The following ASAP1 variants were observed in gnomAD, a reference collection of about 807,000 sequenced individuals.
ASAP1 encodes ArfGAP with SH3 domain, ankyrin repeat and PH domain 1.
ASAP1 carries 43 observed loss-of-function variants against 145.2 expected under a neutral mutation model. That is an observed-to-expected ratio of 0.30 (90% confidence interval 0.23 to 0.38). ASAP1 has a LOEUF of 0.38. ASAP1 is among the 10% of genes least tolerant of loss of function. The pLI is 1.00. For missense variants in ASAP1, 1,018 were observed against 1,355.3 expected (o/e 0.75, Z 3.91); for synonymous variants, 546 against 515.5 (o/e 1.06, Z -0.80).
chr8:130,058,062 C>G lies in ASAP1; in HGVS notation c.3207G>C (p.Val1069=). The G allele has an allele frequency of 6.2e-7, 1 of 1,613,492 alleles. No homozygotes were observed. The highest frequency in any genetic ancestry group is 8.5e-7 in the Non-Finnish European group (1 of 1,179,406). ...PRKINTGKNK[V]RRVKTIYDCQ... ...AGTCATAAATGGTCTTCACTCGCCT[C>G]ACTTTATTTTTCCCCTTAAAGAAAG... is the stretch of plus-strand genomic sequence containing the variant. The change falls in exon 29 of 30, where the codon GTG becomes GTC. Residue 1069 remains valine (V), a synonymous_variant. Coordinates refer to ENST00000518721, the MANE Select transcript of ASAP1 (RefSeq NM_018482.4).
intron 24 of ASAP1, among the ~76,000 whole-genome samples, chr8:130,105,294 A>T (rs1220276651): frequency 6.6e-6 from 1 of 152,222 alleles, no homozygotes; most frequent in Non-Finnish European, 1.5e-5. Context: ...ATAACAAGTA[A>T]TCTAGAGGTG....
intron 1 of ASAP1, among the ~76,000 whole-genome samples, chr8:130,421,120 C>A (rs1829702710): frequency 6.6e-6 from 1 of 152,158 alleles, no homozygotes; most frequent in African/African-American, 2.4e-5. Context: ...TTCAAGCTTG[C>A]TTGTCCTCTG....
intron 4 of ASAP1, among the ~76,000 whole-genome samples, chr8:130,233,608 C>G (rs116762312): frequency 0.02 from 3,111 of 152,260 alleles, 49 homozygotes; most frequent in East Asian, 0.064. Flanking sequence ...TCCCTTAGCA[C>G]CTTCCTCACG....
intron 18 of ASAP1, among the ~76,000 whole-genome samples, chr8:130,122,733 T>C (rs542481762): frequency 7.0e-4 from 107 of 152,304 alleles, no homozygotes; most frequent in Non-Finnish European, 1.2e-3. Flanking sequence ...ATTAGAGATA[T>C]TGGAGAATCA....
intron 3 of ASAP1, among the ~76,000 whole-genome samples, chr8:130,263,721 T>C (rs893827979): frequency 2.6e-5 from 4 of 152,350 alleles, no homozygotes; most frequent in African/African-American, 4.8e-5. Flanking sequence ...AGCTCAGCAA[T>C]GTCTTGCTCT....
intron 2 of ASAP1, among the ~76,000 whole-genome samples, chr8:130,374,765 C>T (rs904577743): frequency 2.6e-5 from 4 of 152,200 alleles, no homozygotes; most frequent in African/African-American, 9.7e-5. Context: ...AGGTGCCCAA[C>T]CTCCTAGTCC....
At chr8:130,150,815 G>A (rs2097644535) in intron 13 of ASAP1, among the ~76,000 whole-genome samples, 1 of 152,154 alleles carries the variant, frequency 6.6e-6, no homozygotes, top group South Asian at 2.1e-4. Context: ...AGGATGCAGA[G>A]GTTGCAGTAA....
intron 13 of ASAP1, among the ~76,000 whole-genome samples, chr8:130,145,948 C>G (rs1307029748): frequency 1.5e-4 from 23 of 150,350 alleles, no homozygotes; most frequent in Non-Finnish European, 2.2e-4. Context: ...CTTCAGTGAT[C>G]CTCCTGCCTG....
In ASAP1 at chr8:130,168,982, A is replaced by T; in HGVS notation, c.822+10T>A. On this transcript the variant is annotated intron_variant, in intron 10 of 29. Coordinates refer to ENST00000518721, the MANE Select transcript of ASAP1 (RefSeq NM_018482.4). ...CAAGTTAAACTGCATGTATTTTATA[A>T]AGAACTTACATTATATAAATCAGCA... 6.7e-7 allele frequency: 1 copy of T among 1,502,394 alleles called. No individual in the cohort carries two copies. The highest frequency in any genetic ancestry group is 2.3e-5 in the East Asian group (1 of 43,812). The allele number at this position is 1,502,394 out of a possible 1,614,324, so 93.1% of individuals were successfully genotyped here.
chr8:130,223,640 G>A (rs189022208), intron 4 of ASAP1, among the ~76,000 whole-genome samples: 1 of 151,510 alleles, frequency 6.6e-6, no homozygotes, highest in African/African-American at 2.4e-5. Context: ...TACTTGATGG[G>A]GTTATTAAAG....
chr8:130,082,121 G>A (rs1407132077), intron 25 of ASAP1, among the ~76,000 whole-genome samples: 2 of 152,142 alleles, frequency 1.3e-5, no homozygotes, highest in Non-Finnish European at 2.9e-5. Flanking sequence ...GAGGCTGGCA[G>A]GGTGCTCACC....
chr8:130,171,595 C>T (rs1173004458), intron 9 of ASAP1, among the ~76,000 whole-genome samples: 1 of 152,190 alleles, frequency 6.6e-6, no homozygotes, highest in East Asian at 1.9e-4. Context: ...ATGGAAATTA[C>T]AATTCAAGGT....
chr8:130,142,453 GA>G (rs1402606009), intron 13 of ASAP1, among the ~76,000 whole-genome samples: 1 of 152,182 alleles, frequency 6.6e-6, no homozygotes, highest in Non-Finnish European at 1.5e-5. Context: ...AAGCCACTTT[GA>G]AATTCCTACT....
chr8:130,430,956 A>G (rs1317321036), intron 1 of ASAP1, among the ~76,000 whole-genome samples: 1 of 152,208 alleles, frequency 6.6e-6, no homozygotes, highest in Non-Finnish European at 1.5e-5. Flanking sequence ...AAGGGAGGAC[A>G]TAGACTTGCG....
At chr8:130,311,852 C>A (rs1488247980) in intron 3 of ASAP1, among the ~76,000 whole-genome samples, 1 of 150,422 alleles carries the variant, frequency 6.6e-6, no homozygotes, top group African/African-American at 2.5e-5. Context: ...GTATGTCAAG[C>A]TAGATGGTTA....
intron 3 of ASAP1, among the ~76,000 whole-genome samples, chr8:130,260,320 C>A (rs531630092): frequency 6.6e-6 from 1 of 152,280 alleles, no homozygotes; most frequent in South Asian, 2.1e-4. Context: ...TAAATGAGCT[C>A]TGTGCCATTC....
At chr8:130,183,569 C>T (rs1042701363) in intron 7 of ASAP1, among the ~76,000 whole-genome samples, 14 of 151,960 alleles carry the variant, frequency 9.2e-5, no homozygotes, top group African/African-American at 2.9e-4. Flanking sequence ...CTCAAACTTT[C>T]GACCTCAAGC....
chr8:130,060,617 G>A lies in ASAP1; in HGVS notation c.3154C>T (p.Pro1052Ser), dbSNP rs774596713. The change falls in exon 28 of 30, where the codon CCA (proline) becomes TCA (serine). Residue 1052 changes from proline to serine, a missense_variant. Physicochemically the swap from Pro to Ser is moderately conservative, Grantham distance 74. Around this residue, in one of 9 missense-constraint regions of ASAP1, gnomAD observed 139 missense variants for 131.0 expected, o/e 1.06. Transcript: ENST00000518721. Reference sequence around the variant, plus strand: ...CTGGGCAGTGGTACGGGCGTCTCTGGCAGAGTAGGCGTGAGGTCGTTGGAG... The same window carrying A: ...CTGGGCAGTGGTACGGGCGTCTCTGACAGAGTAGGCGTGAGGTCGTTGGAG... ...EDSNDLTPTL[P>S]ETPVPLPRKI... The A allele has an allele frequency of 6.2e-7, 1 of 1,613,984 alleles. No homozygotes were observed. Among genetic ancestry groups the A allele is most frequent in the Non-Finnish European group, 8.5e-7 (1 of 1,179,948 alleles).
intron 3 of ASAP1, among the ~76,000 whole-genome samples, chr8:130,280,164 C>G (rs1364515653): frequency 6.6e-6 from 1 of 152,118 alleles, no homozygotes; most frequent in Non-Finnish European, 1.5e-5. Context: ...AGTAAGTAGC[C>G]CAGCTGGAAC....
Sources: allele counts gnomAD v4.1 joint callset (sites outside exome capture counted in the v4.1 genomes callset), GRCh38; gene constraint gnomAD v4.1.1; regional missense constraint gnomAD v4.1.1; transcripts MANE v1.5; gene names NCBI Gene and HGNC (gene_info 2026-07-23, HGNC 2026-07-21).